NETO1: variants seen among roughly 807,000 people sequenced by gnomAD.
NETO1 encodes the protein neuropilin and tolloid like 1.
NETO1 carries 26 observed loss-of-function variants against 61.3 expected under a neutral mutation model. The observed-to-expected ratio is 0.42, with a 90% confidence interval of 0.31 to 0.59. The LOEUF (loss-of-function observed/expected upper bound fraction) is 0.59. Among genes scored for constraint, NETO1 ranks in the 20% least tolerant of loss-of-function variants. NETO1 has a pLI of 0.12. For missense variants in NETO1, 531 were observed against 662.8 expected, an observed-to-expected ratio of 0.80 and a Z score of 2.18; for synonymous variants, 225 against 225.8, an observed-to-expected ratio of 1.00 and a Z score of 0.03.
At chr18:72,839,132 T>C (rs2073845216) in intron 4 of NETO1, among the ~76,000 whole-genome samples, 1 of 152,132 alleles carries the variant, frequency 6.6e-6, no homozygotes, top group South Asian at 2.1e-4. Context: ...AAATGATCAA[T>C]TTTTTTATCC....
intron 7 of NETO1, among the ~76,000 whole-genome samples, chr18:72,758,056 G>A (rs1054529416): frequency 1.4e-5 from 1 of 73,570 alleles, no homozygotes; most frequent in Admixed American, 1.6e-4. Flanking sequence ...AATAGGAAGG[G>A]GTAGTTTAAA....
At chr18:72,781,019 C>T (rs12458898) in intron 7 of NETO1, among the ~76,000 whole-genome samples, 46,099 of 151,902 alleles carry the variant, frequency 0.3, 7,297 homozygotes, top group Admixed American at 0.45. Flanking sequence ...CAGTCATAAT[C>T]AAAGTATTGA....
Position 72,825,798 on chromosome 18 carries a change from A to G in NETO1, c.470-31394T>C, listed in dbSNP as rs1282917510. Among the ~76,000 whole-genome samples, 4 of 152,146 alleles carry G rather than the reference A, an allele frequency of 2.6e-5. No individual in the cohort carries two copies. In the East Asian group the frequency reaches 7.7e-4, roughly 29 times the overall value. On this transcript the variant is annotated intron_variant, in intron 4 of 10. Coordinates refer to ENST00000327305, the MANE Select transcript of NETO1 (RefSeq NM_138966.5). ...TCTCCTGGTAACCATGCGATCTTTA[A>G]AAGTGAAATTTTGAGTTTTCAATCA...
At chr18:72,742,580 C>A (rs527284291), downstream of NETO1, 14 of 152,188 alleles carry the variant, frequency 9.2e-5, no homozygotes, top group African/African-American at 3.1e-4. Flanking sequence ...CACAAAACTA[C>A]GGGGTTAATA....
intron 4 of NETO1, among the ~76,000 whole-genome samples, chr18:72,808,681 T>C (rs1026360117): frequency 2.4e-4 from 36 of 152,338 alleles, no homozygotes; most frequent in African/African-American, 8.4e-4. Flanking sequence ...AATAAAGCTG[T>C]ACAAGCCATG....
Position 72,830,828 on chromosome 18 carries a change from A to T in NETO1, c.469+27998T>A, listed in dbSNP as rs2073551726. On this transcript the variant is annotated intron_variant, in intron 4 of 10. Transcript: ENST00000327305. The surrounding 1 kb of genome is among the most constrained non-coding windows in gnomAD (Gnocchi z 4.9). ...TCACAGAAAAGGTTTCCGAAAGATT[A>T]TGCTACACTTATGGGTTCCAGTTGT... 6.6e-6 allele frequency among the ~76,000 whole-genome samples: 1 copy of T among 152,158 alleles called. No homozygotes were observed. The highest frequency in any genetic ancestry group is 3.2e-3 in the Middle Eastern group (1 of 316).
chr18:72,768,085 T>C (rs936961839), intron 7 of NETO1, among the ~76,000 whole-genome samples: 1 of 152,224 alleles, frequency 6.6e-6, no homozygotes, highest in African/African-American at 2.4e-5. Flanking sequence ...TTACACATTG[T>C]AATTCCATTT....
chr18:72,832,657 G>T (rs2073619552), intron 4 of NETO1, among the ~76,000 whole-genome samples: 1 of 152,150 alleles, frequency 6.6e-6, no homozygotes, highest in Admixed American at 6.5e-5. Flanking sequence ...TCATCCAAGG[G>T]ATTGATGTTT....
At chr18:72,796,753 C>T (rs1002957687) in intron 4 of NETO1, among the ~76,000 whole-genome samples, 6 of 151,784 alleles carry the variant, frequency 4.0e-5, no homozygotes, top group Non-Finnish European at 7.4e-5. Flanking sequence ...CGTGAGCCAC[C>T]GCGCCCGGCC....
chr18:72,849,305 C>T (rs550494352), intron 4 of NETO1, among the ~76,000 whole-genome samples: 1 of 152,064 alleles, frequency 6.6e-6, no homozygotes, highest in East Asian at 1.9e-4. Context: ...ACAGATATAC[C>T]CTTTCCGTCG....
chr18:72,753,415 C>T (rs2070688405), intron 8 of NETO1, among the ~76,000 whole-genome samples: 1 of 152,146 alleles, frequency 6.6e-6, no homozygotes. Context: ...AACAAAACCC[C>T]AGCAGATACC....
intron 4 of NETO1, among the ~76,000 whole-genome samples, chr18:72,850,918 C>G (rs1052273481): frequency 6.6e-6 from 1 of 152,166 alleles, no homozygotes; most frequent in Non-Finnish European, 1.5e-5. Flanking sequence ...AGCCAACAGT[C>G]CCACTTCTGG....
chr18:72,790,175 T>C (rs1355633033), intron 6 of NETO1, among the ~76,000 whole-genome samples: 1 of 152,180 alleles, frequency 6.6e-6, no homozygotes, highest in Non-Finnish European at 1.5e-5. Context: ...CCTTCATTTA[T>C]GTATTTTATA....
intron 4 of NETO1, among the ~76,000 whole-genome samples, chr18:72,820,827 G>C (rs562941813): frequency 7.9e-5 from 12 of 152,212 alleles, no homozygotes; most frequent in African/African-American, 2.6e-4. Context: ...GCTCTTCTTG[G>C]GTCTTGAGTC....
chr18:72,781,676 A>G (rs1272708399), intron 7 of NETO1, among the ~76,000 whole-genome samples: 3 of 152,224 alleles, frequency 2.0e-5, no homozygotes, highest in Admixed American at 6.5e-5. Flanking sequence ...TCGTTATGCA[A>G]AATAACTGTC....
At chr18:72,796,006 G>A (rs990198845) in intron 4 of NETO1, among the ~76,000 whole-genome samples, 8 of 152,184 alleles carry the variant, frequency 5.3e-5, no homozygotes, top group African/African-American at 1.9e-4. Context: ...TTTAAAAGAT[G>A]ACTGGGAAAT....
chr18:72,842,259 G>C (rs1165173722), intron 4 of NETO1, among the ~76,000 whole-genome samples: 1 of 152,096 alleles, frequency 6.6e-6, no homozygotes, highest in East Asian at 1.9e-4. Context: ...CACATCGATT[G>C]AGGGAATTAT....
At chr18:72,816,374 C>T (rs759957508) in intron 4 of NETO1, among the ~76,000 whole-genome samples, 1 of 152,084 alleles carries the variant, frequency 6.6e-6, no homozygotes, top group African/African-American at 2.4e-5. Flanking sequence ...TTTGGTAAAA[C>T]CACAAAATTT....
chr18:72,812,238 A>G (rs2072891412), intron 4 of NETO1, among the ~76,000 whole-genome samples: 1 of 152,228 alleles, frequency 6.6e-6, no homozygotes, highest in Non-Finnish European at 1.5e-5. Flanking sequence ...GTCAGTGGAG[A>G]GTCAGTACTT....
Sources: gnomAD v4.1 joint callset for allele counts (sites outside exome capture counted in the v4.1 genomes callset) on GRCh38, gnomAD v4.1.1 for gene constraint, Gnocchi (gnomAD v3.1) non-coding constraint, MANE v1.5 for transcripts, NCBI Gene and HGNC (gene_info 2026-07-23, HGNC 2026-07-21) for gene names.